FAM107B: variants seen among roughly 807,000 people sequenced by gnomAD.
FAM107B encodes protein FAM107B.
In FAM107B, 21 loss-of-function variants were observed where a neutral mutation model predicts 31.5. The ratio of observed to expected loss-of-function variants is 0.67; its 90% CI spans 0.47 to 0.96. The LOEUF (loss-of-function observed/expected upper bound fraction) is 0.96, where lower values mean the gene tolerates loss of function less well. Ranked by LOEUF, FAM107B falls within the 40% of genes least tolerant of loss-of-function variation. FAM107B has a pLI of 0.00. For missense variants in FAM107B, 452 were observed against 377.1 expected, an observed-to-expected ratio of 1.20 and a Z score of -1.64; for synonymous variants, 157 against 141.5, an observed-to-expected ratio of 1.11 and a Z score of -0.78.
chr10:14,704,269 C>CTG (rs113899632), intron 1 of FAM107B, among the ~76,000 whole-genome samples: 79,149 of 148,032 alleles, frequency 0.53, 21,307 homozygotes, highest in Non-Finnish European at 0.6. Context: ...GTAAATTGCT[C>CTG]TGTGTGTGTG....
intron 1 of FAM107B, among the ~76,000 whole-genome samples, chr10:14,729,658 T>C (rs1260453942): frequency 3.9e-5 from 6 of 152,106 alleles, no homozygotes; most frequent in Non-Finnish European, 8.8e-5. Context: ...GAGGTGGAAA[T>C]ACCATTTCAC....
chr10:14,531,007 G>C (rs577184260), intron 2 of FAM107B, among the ~76,000 whole-genome samples: 1 of 152,244 alleles, frequency 6.6e-6, no homozygotes, highest in Admixed American at 6.5e-5. Flanking sequence ...ATGGTTATTG[G>C]TCATAAATCT....
intron 1 of FAM107B, among the ~76,000 whole-genome samples, chr10:14,751,996 G>T (rs12244530): frequency 0.11 from 17,125 of 152,152 alleles, 2,168 homozygotes; most frequent in African/African-American, 0.31. Context: ...CCCTTGCTCT[G>T]GGTTTCTGGT....
chr10:14,668,595 T>A (rs1230520474), intron 1 of FAM107B, among the ~76,000 whole-genome samples: 1 of 152,202 alleles, frequency 6.6e-6, no homozygotes, highest in East Asian at 1.9e-4. Context: ...GGGAGATAAA[T>A]TAAGAGGAAT....
intron 1 of FAM107B, among the ~76,000 whole-genome samples, chr10:14,702,469 CCT>C (rs1396823026): frequency 6.6e-6 from 1 of 152,172 alleles, no homozygotes; most frequent in African/African-American, 2.4e-5. Flanking sequence ...GCCTCAGCCC[CCT>C]GAGTAGCTGA....
chr10:14,678,258 T>C (rs1157242628), intron 1 of FAM107B, among the ~76,000 whole-genome samples: 2 of 152,184 alleles, frequency 1.3e-5, no homozygotes, highest in Admixed American at 6.5e-5. Context: ...ACGAAGTACC[T>C]CCTTTGCACC....
intron 1 of FAM107B, among the ~76,000 whole-genome samples, chr10:14,694,080 T>C (rs1214471789): frequency 6.6e-6 from 1 of 152,238 alleles, no homozygotes; most frequent in Non-Finnish European, 1.5e-5. Context: ...GATATTCCGC[T>C]GTATGTATAT....
chr10:14,654,329 T>C (rs1853983152), intron 2 of FAM107B, among the ~76,000 whole-genome samples: 1 of 152,232 alleles, frequency 6.6e-6, no homozygotes, highest in South Asian at 2.1e-4. Context: ...TTTCGGGTCT[T>C]CAGAATTACT....
At chr10:14,770,291 A>C (rs1045481048) in intron 1 of FAM107B, among the ~76,000 whole-genome samples, 1 of 152,102 alleles carries the variant, frequency 6.6e-6, no homozygotes, top group African/African-American at 2.4e-5. Context: ...TCGGGAGGCC[A>C]AGGCGGGTGG....
intron 2 of FAM107B, among the ~76,000 whole-genome samples, chr10:14,561,126 G>T (rs1850205264): frequency 6.6e-6 from 1 of 152,184 alleles, no homozygotes; most frequent in African/African-American, 2.4e-5. Flanking sequence ...CCACAAGAGG[G>T]AATCTGGTGA....
At chr10:14,734,364 G>A (rs912549072) in intron 1 of FAM107B, among the ~76,000 whole-genome samples, 2 of 152,152 alleles carry the variant, frequency 1.3e-5, no homozygotes, top group South Asian at 4.1e-4. Flanking sequence ...GGAGTTGGAA[G>A]CATTTACTAA....
intron 2 of FAM107B, among the ~76,000 whole-genome samples, chr10:14,621,022 C>T (rs1208962713): frequency 5.3e-5 from 8 of 152,032 alleles, no homozygotes; most frequent in Non-Finnish European, 1.2e-4. Context: ...CAGTTGATTC[C>T]CACAGATTGA....
chr10:14,537,920 C>T (rs1192968302), intron 2 of FAM107B, among the ~76,000 whole-genome samples: 2 of 151,962 alleles, frequency 1.3e-5, no homozygotes. Context: ...GCTATTAGCG[C>T]TGTCACTGGC....
intron 1 of FAM107B, among the ~76,000 whole-genome samples, chr10:14,763,019 T>C (rs1833088126): frequency 6.6e-6 from 1 of 151,350 alleles, no homozygotes; most frequent in African/African-American, 2.4e-5. Flanking sequence ...TCCCAGCACT[T>C]TGGGAGGCAG....
chr10:14,679,642 G>T (rs955291225), intron 1 of FAM107B, among the ~76,000 whole-genome samples: 2 of 152,212 alleles, frequency 1.3e-5, no homozygotes, highest in Admixed American at 6.5e-5. Flanking sequence ...CCGAATTCAA[G>T]CTAAGGTGTT....
At chr10:14,551,306 G>A (rs917841317) in intron 2 of FAM107B, among the ~76,000 whole-genome samples, 1 of 151,958 alleles carries the variant, frequency 6.6e-6, no homozygotes, top group Non-Finnish European at 1.5e-5. Context: ...CACCATGCCC[G>A]CCTAATTTTT....
intron 1 of FAM107B, among the ~76,000 whole-genome samples, chr10:14,743,128 G>C (rs969734126): frequency 1.3e-5 from 2 of 152,102 alleles, no homozygotes; most frequent in Admixed American, 6.6e-5. Context: ...CAATGATGTT[G>C]AGCTTTTTTT....
At chr10:14,569,422 T>G (rs1035678888) in intron 2 of FAM107B, among the ~76,000 whole-genome samples, 6 of 151,494 alleles carry the variant, frequency 4.0e-5, no homozygotes, top group Admixed American at 6.6e-5. Flanking sequence ...TGTGCATGCA[T>G]GCATGCACAC....
intron 1 of FAM107B, among the ~76,000 whole-genome samples, chr10:14,704,472 C>T (rs1230653628): frequency 6.6e-6 from 1 of 152,156 alleles, no homozygotes; most frequent in Non-Finnish European, 1.5e-5. Flanking sequence ...AAAGGTGGGT[C>T]TACCCAGAGA....
Sources: gnomAD v4.1 joint callset for allele counts (sites outside exome capture counted in the v4.1 genomes callset) on GRCh38, gnomAD v4.1.1 for gene constraint, MANE v1.5 for transcripts, NCBI Gene and HGNC (gene_info 2026-07-23, HGNC 2026-07-21) for gene names.